The following ANKRD6 variants were observed in gnomAD, a reference collection of about 807,000 sequenced individuals.
ANKRD6 encodes the protein ankyrin repeat domain 6.
Under a neutral mutation model 82.3 loss-of-function variants are expected in ANKRD6, and 56 were observed. The ratio of observed to expected loss-of-function variants is 0.68; its 90% confidence interval spans 0.55 to 0.85. ANKRD6 has a LOEUF of 0.85. Ranked by LOEUF, ANKRD6 falls within the 40% of genes least tolerant of loss-of-function variation. The pLI, the probability that ANKRD6 is intolerant of heterozygous loss-of-function variation, is 0.00. For synonymous variants in ANKRD6, 347 were observed against 352.1 expected (o/e 0.99, Z 0.16); for missense variants, 852 against 907.6 (o/e 0.94, Z 0.79).
At chr6:89,509,075 C>T (rs142999235) in intron 1 of ANKRD6, 41 of 152,360 alleles carry the variant, frequency 2.7e-4, no homozygotes, top group African/African-American at 9.4e-4. Flanking sequence ...AGCTGCCCTC[C>T]CTCTGGGCGA....
At chr6:89,474,085 C>T (rs1225680872) in intron 1 of ANKRD6, among the ~76,000 whole-genome samples, 1 of 151,322 alleles carries the variant, frequency 6.6e-6, no homozygotes, top group African/African-American at 2.4e-5. Flanking sequence ...GACTGTCTCA[C>T]CTTTTGAAAC....
chr6:89,491,933 A>T (rs1433091635), intron 1 of ANKRD6, among the ~76,000 whole-genome samples: 1 of 152,170 alleles, frequency 6.6e-6, no homozygotes, highest in Non-Finnish European at 1.5e-5. Flanking sequence ...TTACCATTAG[A>T]TCCTATCGCC....
intron 1 of ANKRD6, among the ~76,000 whole-genome samples, chr6:89,489,429 A>G (rs1397372424): frequency 6.6e-6 from 1 of 152,176 alleles, no homozygotes; most frequent in Non-Finnish European, 1.5e-5. Context: ...CTCACTCTCA[A>G]GTAGGTACAG....
intron 13 of ANKRD6, among the ~76,000 whole-genome samples, chr6:89,627,257 A>G (rs1806016527): frequency 6.6e-6 from 1 of 152,186 alleles, no homozygotes; most frequent in African/African-American, 2.4e-5. Flanking sequence ...GGGTTTCGCC[A>G]TGTTGGCCAG....
chr6:89,438,752 C>T (rs1035868235), intron 1 of ANKRD6, among the ~76,000 whole-genome samples: 1 of 152,168 alleles, frequency 6.6e-6, no homozygotes, highest in Non-Finnish European at 1.5e-5. Flanking sequence ...AAGTGATTCT[C>T]CTGCCTCAGC....
chr6:89,486,843 C>G (rs990634789), intron 1 of ANKRD6, among the ~76,000 whole-genome samples: 1 of 152,166 alleles, frequency 6.6e-6, no homozygotes, highest in African/African-American at 2.4e-5. Flanking sequence ...AGCAAGCTCT[C>G]TTGTTATCTC....
chr6:89,588,112 T>A (rs1794133773), intron 2 of ANKRD6, among the ~76,000 whole-genome samples: 1 of 152,214 alleles, frequency 6.6e-6, no homozygotes, highest in Admixed American at 6.5e-5. Flanking sequence ...CTTGGGGCAC[T>A]TAGAAAAGTT....
chr6:89,609,580 G>A (rs571548542), intron 5 of ANKRD6, among the ~76,000 whole-genome samples: 1 of 151,828 alleles, frequency 6.6e-6, no homozygotes, highest in East Asian at 2.0e-4. Context: ...GGGATTACAG[G>A]AGTGAGCCAC....
At chr6:89,600,002 G>A (rs1337425590) in intron 3 of ANKRD6, among the ~76,000 whole-genome samples, 1 of 152,138 alleles carries the variant, frequency 6.6e-6, no homozygotes, top group Non-Finnish European at 1.5e-5. Flanking sequence ...ACAGCCAAAA[G>A]GTCCCCCAGA....
chr6:89,585,772 A>G (rs930925350), intron 2 of ANKRD6, among the ~76,000 whole-genome samples: 1 of 152,146 alleles, frequency 6.6e-6, no homozygotes, highest in Non-Finnish European at 1.5e-5. Flanking sequence ...ACCGAGCTTG[A>G]TGATGTGTGC....
intron 1 of ANKRD6, among the ~76,000 whole-genome samples, chr6:89,481,012 A>T (rs1776743753): frequency 6.6e-6 from 1 of 151,958 alleles, no homozygotes; most frequent in Admixed American, 6.6e-5. Context: ...GGAGCACACA[A>T]TGTAGAAAGT....
chr6:89,592,253 G>A (rs947322272), intron 2 of ANKRD6, among the ~76,000 whole-genome samples: 3 of 152,200 alleles, frequency 2.0e-5, no homozygotes, highest in Non-Finnish European at 4.4e-5. Context: ...AAGGTGTAGG[G>A]TGTCGAAGAG....
At chr6:89,558,050 A>G (rs1786865605) in intron 1 of ANKRD6, among the ~76,000 whole-genome samples, 1 of 152,202 alleles carries the variant, frequency 6.6e-6, no homozygotes, top group Admixed American at 6.5e-5. Context: ...TGCTTGGATC[A>G]TCCTGAAACC....
chr6:89,615,937 C>T (rs549095308), intron 7 of ANKRD6, among the ~76,000 whole-genome samples: 2 of 152,308 alleles, frequency 1.3e-5, no homozygotes, highest in South Asian at 4.1e-4. Flanking sequence ...TATTTATAGG[C>T]TATCTGTAAG....
chr6:89,606,738 C>T (rs367597147), intron 5 of ANKRD6, among the ~76,000 whole-genome samples: 1 of 151,870 alleles, frequency 6.6e-6, no homozygotes, highest in Non-Finnish European at 1.5e-5. Flanking sequence ...TGCCTGTAGT[C>T]CCAGCTACTT....
Position 89,518,888 on chromosome 6 carries a change from A to G in ANKRD6, c.-143-47946A>G, listed in dbSNP as rs529063695. Among the ~76,000 whole-genome samples, 4 of 152,316 alleles carry G rather than the reference A, an allele frequency of 2.6e-5. No homozygotes were observed. In the South Asian group the frequency reaches 8.3e-4, roughly 32 times the overall value. On this transcript the variant is annotated intron_variant, in intron 1 of 15. Transcript: ENST00000339746. ...GTGTTGTCTCACACTCCCAGAGGCT[A>G]AAATTCCAAGATCAGTGTGTCTGCT... is the stretch of plus-strand genomic sequence containing the variant.
Position 89,632,860 on chromosome 6 carries a change from A to G in ANKRD6, c.*1856A>G, listed in dbSNP as rs979874306. 2.6e-5 allele frequency: 4 copies of G among 152,246 alleles called. No individual in the cohort carries two copies. Among genetic ancestry groups the G allele is most frequent in the Non-Finnish European group, 4.4e-5 (3 of 68,046 alleles). The allele number at this position is 152,246 out of a possible 1,614,324, so 9.4% of individuals were successfully genotyped here. A position where few individuals can be genotyped will look rare whatever the true frequency, so the allele number is the denominator to read the frequency against. On this transcript the variant is annotated 3_prime_UTR_variant, in exon 16 of 16. Coordinates refer to ENST00000339746, the MANE Select transcript of ANKRD6 (RefSeq NM_001242809.2). ...TCTTTAGAATCATTCCTCAGTATAC[A>G]TCAATTTATTGAGAACTGCCTAATA...
intron 1 of ANKRD6, among the ~76,000 whole-genome samples, chr6:89,559,420 C>A (rs1047459005): frequency 4.6e-5 from 7 of 152,214 alleles, no homozygotes; most frequent in African/African-American, 1.7e-4. Context: ...AGAATGATCC[C>A]TCTCCCAGTT....
intron 2 of ANKRD6, among the ~76,000 whole-genome samples, chr6:89,585,410 G>A (rs956133439): frequency 4.2e-4 from 64 of 152,212 alleles, no homozygotes; most frequent in African/African-American, 1.5e-3. Context: ...GACATGGATG[G>A]TGGTGGTGCT....
Sources: gnomAD v4.1 joint callset for allele counts (sites outside exome capture counted in the v4.1 genomes callset) on GRCh38, gnomAD v4.1.1 for gene constraint, MANE v1.5 for transcripts, NCBI Gene and HGNC (gene_info 2026-07-23, HGNC 2026-07-21) for gene names.